Variants in CCDC167 observed in about 807,000 individuals in gnomAD.
The protein encoded by CCDC167 is coiled-coil domain-containing protein 167.
A neutral mutation model predicts 12.7 loss-of-function variants in CCDC167; 15 were observed. The observed-to-expected ratio is 1.18, with a 90% CI of 0.79 to 1.81. CCDC167 has a LOEUF of 1.81. Ranked by LOEUF, CCDC167 falls within the 40% of genes most tolerant of loss-of-function variation. CCDC167 has a pLI of 0.00. For missense variants in CCDC167, 121 were observed against 120.1 expected, an observed-to-expected ratio of 1.01 and a Z score of -0.03; for synonymous variants, 52 against 49.0, an observed-to-expected ratio of 1.06 and a Z score of -0.26.
chr6:37,483,806 T>A (rs1330014228), intron 3 of CCDC167, among the ~76,000 whole-genome samples: 4 of 152,198 alleles, frequency 2.6e-5, no homozygotes, highest in African/African-American at 9.7e-5. Context: ...CTAGGGACGC[T>A]AAGATGCAGT....
intron 1 of CCDC167, among the ~76,000 whole-genome samples, chr6:37,494,805 A>ATTTTTTTTTTTTTTTTTTT (rs201478338): frequency 5.2e-5 from 6 of 115,220 alleles, no homozygotes; most frequent in African/African-American, 2.0e-4. Context: ...CTACCTACAA[A>ATTTTTTTTTTTTTTTTTTT]TTTTTTTTTT....
Position 37,483,195 on chromosome 6 carries a change from C to A in CCDC167, c.285G>T (p.Trp95Cys). 1.2e-6 allele frequency: 2 copies of A among 1,613,204 alleles called. No individual in the cohort carries two copies. Among genetic ancestry groups the A allele is most frequent in the South Asian group, 2.2e-5 (2 of 91,048 alleles). The change falls in exon 4 of 4, where the codon TGG (tryptophan) becomes TGT (cysteine). Residue 95 changes from tryptophan to cysteine, a missense_variant. By Grantham distance (215) the Trp-to-Cys change is radical (BLOSUM62 -2). Coordinates refer to ENST00000373408, the MANE Select transcript of CCDC167 (RefSeq NM_138493.3). ...FILLTLVYAY[W>C]TM ...TGGGGAAGTGCCAGGCTCACATGGT[C>A]CAGTAGGCATAGACGAGCGTCAGGA... is the stretch of plus-strand genomic sequence containing the variant.
At chr6:37,497,375 TCA>T (rs1476834666) in intron 1 of CCDC167, among the ~76,000 whole-genome samples, 4 of 152,220 alleles carry the variant, frequency 2.6e-5, no homozygotes, top group Admixed American at 2.6e-4. Flanking sequence ...TATTGTTGAT[TCA>T]TTAACACTGG....
At position 37,483,102 on chromosome 6, in the gene CCDC167, G is replaced by T; in HGVS notation, c.*84C>A. 1 of 1,056,864 alleles carries T rather than the reference G, an allele frequency of 9.5e-7. No homozygotes were observed. Among genetic ancestry groups the T allele is most frequent in the Non-Finnish European group, 1.5e-6 (1 of 675,488 alleles). 65.5% of individuals were successfully genotyped at this position (1,056,864 alleles called of 1,614,324 possible). On this transcript the variant is annotated 3_prime_UTR_variant, in exon 4 of 4. Transcript: ENST00000373408. ...GGGAGGGGAACACCCCAGCACCTTG[G>T]TCCTATTGAGGCTTGAAGTGCCTGC...
chr6:37,484,239 C>T (rs995040560), intron 3 of CCDC167, among the ~76,000 whole-genome samples: 3 of 152,166 alleles, frequency 2.0e-5, no homozygotes, highest in Non-Finnish European at 2.9e-5. Context: ...AGAACAGAAC[C>T]GACAAGTCTG....
intron 1 of CCDC167, among the ~76,000 whole-genome samples, chr6:37,491,010 G>A (rs1033089791): frequency 6.6e-6 from 1 of 152,196 alleles, no homozygotes; most frequent in African/African-American, 2.4e-5. Context: ...AAACCACTGT[G>A]TTAAGAGAAA....
chr6:37,499,304 A>G (rs1168183354), intron 1 of CCDC167, among the ~76,000 whole-genome samples: 1 of 152,208 alleles, frequency 6.6e-6, no homozygotes, highest in Non-Finnish European at 1.5e-5. Context: ...TTCTCTTTAC[A>G]TATTCCCAAA....
chr6:37,484,779 T>G (rs1761919207), intron 3 of CCDC167, 31 bp downstream of exon 3: 5 of 1,613,686 alleles, frequency 3.1e-6, no homozygotes. Flanking sequence ...GACTGGAGGC[T>G]GGGGCTGGTA....
Position 37,499,767 on chromosome 6 carries a change from C to T in CCDC167, c.42+55G>A, listed in dbSNP as rs1762141603. Reference sequence around the variant, plus strand: ...CTATAGCCCAGCCTATCCCTTATCCCGCGGCCAGGAGAAGGCAACTAACGA... The same window carrying T: ...CTATAGCCCAGCCTATCCCTTATCCTGCGGCCAGGAGAAGGCAACTAACGA... On this transcript the variant is annotated intron_variant, in intron 1 of 3. Coordinates refer to ENST00000373408, the MANE Select transcript of CCDC167 (RefSeq NM_138493.3). 14 of 1,577,782 alleles carry T rather than the reference C, an allele frequency of 8.9e-6. No homozygotes were observed. In the South Asian group the frequency reaches 1.1e-4, roughly 12 times the overall value.
intron 1 of CCDC167, among the ~76,000 whole-genome samples, chr6:37,492,011 A>G (rs182563744): frequency 6.6e-6 from 1 of 151,674 alleles, no homozygotes; most frequent in Non-Finnish European, 1.5e-5. Flanking sequence ...TCCACACCTT[A>G]CCCCTGGAGC....
At chr6:37,485,251 G>C in intron 1 of CCDC167, 57 bp from the exon 2 acceptor site, 2 of 1,382,586 alleles carry the variant, frequency 1.4e-6, no homozygotes, top group South Asian at 2.3e-5. Flanking sequence ...TCAAAACACT[G>C]GGACTGGGAA....
At chr6:37,496,778 T>C (rs1003783933) in intron 1 of CCDC167, among the ~76,000 whole-genome samples, 1 of 152,202 alleles carries the variant, frequency 6.6e-6, no homozygotes, top group African/African-American at 2.4e-5. Flanking sequence ...AACACACTGG[T>C]CTCTTCCTCC....
chr6:37,491,556 G>A (rs1762022850), intron 1 of CCDC167, among the ~76,000 whole-genome samples: 1 of 152,176 alleles, frequency 6.6e-6, no homozygotes, highest in Non-Finnish European at 1.5e-5. Flanking sequence ...GCACCTGGCT[G>A]GACAGGTCCT....
intron 1 of CCDC167, among the ~76,000 whole-genome samples, chr6:37,491,875 T>C (rs1188911547): frequency 6.6e-6 from 1 of 152,210 alleles, no homozygotes; most frequent in Non-Finnish European, 1.5e-5. Flanking sequence ...CATAGGTAAC[T>C]GTCCAGGGTC....
intron 1 of CCDC167, among the ~76,000 whole-genome samples, chr6:37,491,052 A>G (rs144383911): frequency 6.6e-6 from 1 of 152,296 alleles, no homozygotes; most frequent in Non-Finnish European, 1.5e-5. Context: ...CCCGCGAGGC[A>G]TCTTTTCAGG....
intron 1 of CCDC167, 141 bp downstream of exon 1, chr6:37,499,681 C>G: frequency 1.0e-6 from 1 of 974,248 alleles, no homozygotes; most frequent in Non-Finnish European, 1.6e-6. Flanking sequence ...CTTCTCACCC[C>G]TCCCGTCCCT....
intron 1 of CCDC167, among the ~76,000 whole-genome samples, chr6:37,496,261 C>A (rs1379425424): frequency 6.6e-6 from 1 of 151,880 alleles, no homozygotes; most frequent in Non-Finnish European, 1.5e-5. Context: ...GGTGAAACCC[C>A]GTCTCTACTA....
At chr6:37,484,969 G>T (rs965882644) in intron 2 of CCDC167, 107 bp from the exon 3 acceptor site, 11 of 1,482,430 alleles carry the variant, frequency 7.4e-6, no homozygotes, top group Admixed American at 6.8e-5. Flanking sequence ...GGCGGCAGGG[G>T]GGGTGTGCAC....
intron 1 of CCDC167, among the ~76,000 whole-genome samples, chr6:37,488,275 C>T (rs1166963573): frequency 6.6e-6 from 1 of 152,168 alleles, no homozygotes; most frequent in Non-Finnish European, 1.5e-5. Context: ...GGAGTGGTGG[C>T]TACAGAGCAG....
Sources: allele counts gnomAD v4.1 joint callset (sites outside exome capture counted in the v4.1 genomes callset), GRCh38; gene constraint gnomAD v4.1.1; transcripts MANE v1.5; gene names NCBI Gene and HGNC (gene_info 2026-07-23, HGNC 2026-07-21).